The following CELF2 variants were observed in gnomAD, a reference collection of about 807,000 sequenced individuals.
The protein encoded by CELF2 is CUGBP Elav-like family member 2.
In CELF2, 8 loss-of-function variants were observed where a neutral mutation model predicts 62.6. The ratio of observed to expected loss-of-function variants is 0.13; its 90% CI spans 0.07 to 0.23. The LOEUF is 0.23. CELF2 is among the 10% of genes least tolerant of loss of function. CELF2 has a pLI of 1.00. For missense variants in CELF2, 333 were observed against 671.0 expected, an observed-to-expected ratio of 0.50 and a Z score of 5.56; for synonymous variants, 258 against 250.0, an observed-to-expected ratio of 1.03 and a Z score of -0.30.
In CELF2 at chr10:11,010,069, A is replaced by G. The variant is rs1440465871; in HGVS notation, c.53+4629A>G. On this transcript the variant is annotated intron_variant, in intron 1 of 12. Transcript: ENST00000416382. The surrounding 1 kb of genome is among the most constrained non-coding windows in gnomAD (Gnocchi z 4.1). The stretch of plus-strand genomic sequence containing the variant: ...GGCTCTCCATCTCAGTCCCACCAGG[A>G]CAGCAGGCCCTGCGATGTTGCTCAT... 3 of 152,272 alleles carry G rather than the reference A, an allele frequency of 2.0e-5. No individual in the cohort carries two copies. The highest frequency in any genetic ancestry group is 4.4e-5 in the Non-Finnish European group (3 of 68,068). The allele number at this position is 152,272 out of a possible 1,614,324, so 9.4% of individuals were successfully genotyped here.
intron 2 of CELF2, among the ~76,000 whole-genome samples, chr10:11,199,952 G>A (rs187403824): frequency 6.6e-6 from 1 of 152,284 alleles, no homozygotes; most frequent in Admixed American, 6.5e-5. Flanking sequence ...ATATGCCCCG[G>A]CATTGATGTC....
the CELF2 span, among the ~76,000 whole-genome samples, chr10:10,526,442 A>G: frequency 6.6e-6 from 1 of 152,184 alleles, no homozygotes; most frequent in Non-Finnish European, 1.5e-5. Context: ...CTTGTTCCAG[A>G]CACCTTTAAT....
chr10:10,736,945 A>G, the CELF2 span, among the ~76,000 whole-genome samples: 1 of 152,146 alleles, frequency 6.6e-6, no homozygotes, highest in Non-Finnish European at 1.5e-5. Context: ...CTCACAGAAA[A>G]TTACTCAAGC....
chr10:11,164,677 T>C (rs1462148208), intron 1 of CELF2, among the ~76,000 whole-genome samples: 2 of 151,970 alleles, frequency 1.3e-5, no homozygotes, highest in Non-Finnish European at 2.9e-5. Flanking sequence ...TTTTTTTTTT[T>C]TTAACCCAGC....
At position 11,333,939 on chromosome 10, in the gene CELF2, ATGAC is replaced by A. The variant is rs1367968897; in HGVS notation, c.*4890_*4893del. On this transcript the variant is annotated 3_prime_UTR_variant, in exon 13 of 13. Transcript: ENST00000633077. Reference sequence around the variant, plus strand: ...GGCTTGCTCTGGTGGGCCCCTGACAATGACTGATTTCAAGTTTGATTTCGGGTTG... The same window carrying A: ...GGCTTGCTCTGGTGGGCCCCTGACAATGATTTCAAGTTTGATTTCGGGTTG... 6.6e-6 allele frequency: 1 copy of A among 151,868 alleles called. No homozygotes were observed. The highest frequency in any genetic ancestry group is 1.9e-4 in the East Asian group (1 of 5,198). 9.4% of individuals were successfully genotyped at this position (151,868 alleles called of 1,614,324 possible).
intron 1 of CELF2, among the ~76,000 whole-genome samples, chr10:11,045,183 C>G (rs2062593095): frequency 6.6e-6 from 1 of 152,200 alleles, no homozygotes; most frequent in South Asian, 2.1e-4. Context: ...GGATCTCACT[C>G]TGTTGCCCAG....
At chr10:11,327,706 C>G (rs1162547596) in intron 12 of CELF2, among the ~76,000 whole-genome samples, 1 of 152,224 alleles carries the variant, frequency 6.6e-6, no homozygotes, top group African/African-American at 2.4e-5. Flanking sequence ...GGGAATGAGA[C>G]TTAATAAAAA....
the CELF2 span, among the ~76,000 whole-genome samples, chr10:10,538,044 C>T: frequency 6.6e-6 from 1 of 152,038 alleles, no homozygotes; most frequent in South Asian, 2.1e-4. Flanking sequence ...CAGAGCCCAC[C>T]CAAAGCACAA....
At chr10:10,694,623 C>T in the CELF2 span, among the ~76,000 whole-genome samples, 1 of 151,756 alleles carries the variant, frequency 6.6e-6, no homozygotes, top group Non-Finnish European at 1.5e-5. Context: ...GTTAAAGTCT[C>T]CCATTATGAA....
chr10:10,858,022 GA>G, intron 1 of CELF2, among the ~76,000 whole-genome samples: 1 of 151,946 alleles, frequency 6.6e-6, no homozygotes, highest in South Asian at 2.1e-4. Context: ...TCTAAAGTCA[GA>G]AATTCAGAGA....
chr10:10,565,506 G>T, the CELF2 span, among the ~76,000 whole-genome samples: 1 of 152,192 alleles, frequency 6.6e-6, no homozygotes, highest in Non-Finnish European at 1.5e-5. Context: ...AATCTGTCTA[G>T]CCCTAAGCAG....
intron 2 of CELF2, among the ~76,000 whole-genome samples, chr10:10,932,644 T>C (rs2066196563): frequency 6.6e-6 from 1 of 151,660 alleles, no homozygotes; most frequent in Non-Finnish European, 1.5e-5. Flanking sequence ...TAGCAAAATG[T>C]CTCTTACATG....
chr10:10,505,618 T>C, the CELF2 span, among the ~76,000 whole-genome samples: 2 of 152,090 alleles, frequency 1.3e-5, 1 homozygote, highest in South Asian at 4.1e-4. Context: ...ACCACCCCCC[T>C]GGGGCCCTGG....
chr10:10,930,784 C>T (rs537202075), intron 2 of CELF2, among the ~76,000 whole-genome samples: 4 of 152,282 alleles, frequency 2.6e-5, no homozygotes, highest in East Asian at 1.9e-4. Flanking sequence ...TTTAAAGGGG[C>T]ATTTCCAAGA....
At chr10:11,021,303 C>G (rs755824288) in intron 1 of CELF2, among the ~76,000 whole-genome samples, 1 of 152,020 alleles carries the variant, frequency 6.6e-6, no homozygotes, top group Non-Finnish European at 1.5e-5. Flanking sequence ...GGTAGGTAAC[C>G]TTATTGAAAA....
At chr10:10,933,079 GA>G (rs1187857452) in intron 2 of CELF2, among the ~76,000 whole-genome samples, 1 of 151,838 alleles carries the variant, frequency 6.6e-6, no homozygotes, top group African/African-American at 2.4e-5. Flanking sequence ...AGGAATGCTT[GA>G]GCCCAGGAGT....
intron 8 of CELF2, among the ~76,000 whole-genome samples, chr10:11,281,153 C>G (rs150670241): frequency 6.6e-6 from 1 of 152,172 alleles, no homozygotes; most frequent in Non-Finnish European, 1.5e-5. Context: ...TCCACTACCA[C>G]TTGTATCTCT....
At chr10:10,786,095 C>T in the CELF2 span, among the ~76,000 whole-genome samples, 85 of 152,062 alleles carry the variant, frequency 5.6e-4, 1 homozygote, top group South Asian at 0.018. Context: ...ATAAATAAAA[C>T]AAAAGGTCTA....
chr10:11,270,880 CTT>C lies in CELF2; in HGVS notation c.777+59_777+60del, dbSNP rs1284932243. 9 of 1,321,546 alleles carry C rather than the reference CTT, an allele frequency of 6.8e-6. No homozygotes were observed. The African/African-American group carries it at 1.4e-4, about 20-fold the overall frequency. The allele number at this position is 1,321,546 out of a possible 1,614,324, so 81.9% of individuals were successfully genotyped here. On this transcript the variant is annotated intron_variant, in intron 7 of 12. Coordinates refer to ENST00000633077, the MANE Select transcript of CELF2 (RefSeq NM_001326342.2). The surrounding 1 kb of genome is among the most constrained non-coding windows in gnomAD (Gnocchi z 5.8). Reference sequence around the variant, plus strand: ...CACCCGCTGAAACTCTGCAAACTGACTTTTCCCCTCCCTACGCTGAGGCATTT... The same window carrying C: ...CACCCGCTGAAACTCTGCAAACTGACTTCCCCTCCCTACGCTGAGGCATTT...
Sources: allele counts gnomAD v4.1 joint callset (sites outside exome capture counted in the v4.1 genomes callset), GRCh38; gene constraint gnomAD v4.1.1; non-coding constraint Gnocchi (gnomAD v3.1); transcripts MANE v1.5; gene names NCBI Gene and HGNC (gene_info 2026-07-23, HGNC 2026-07-21).